DLG2: variants seen among roughly 807,000 people sequenced by gnomAD.
The protein encoded by DLG2 is disks large homolog 2.
In DLG2, 45 loss-of-function variants were observed where a neutral mutation model predicts 132.5. The ratio of observed to expected loss-of-function variants is 0.34; its 90% CI spans 0.27 to 0.44. The LOEUF is 0.44. Ranked by LOEUF, DLG2 falls within the 20% of genes least tolerant of loss-of-function variation. The pLI, the probability that DLG2 is intolerant of heterozygous loss-of-function variation, is 1.00. For synonymous variants in DLG2, 424 were observed against 419.6 expected (o/e 1.01, Z -0.13); for missense variants, 1,045 against 1,196.9 (o/e 0.87, Z 1.87).
At chr11:84,801,802 G>A (rs768426965) in intron 6 of DLG2, among the ~76,000 whole-genome samples, 3 of 152,122 alleles carry the variant, frequency 2.0e-5, no homozygotes, top group Non-Finnish European at 4.4e-5. Flanking sequence ...ATCCAATAAA[G>A]TTTAATTAAA....
At chr11:83,810,620 C>A (rs145695884) in intron 17 of DLG2, among the ~76,000 whole-genome samples, 1 of 151,994 alleles carries the variant, frequency 6.6e-6, no homozygotes, top group Non-Finnish European at 1.5e-5. Context: ...GTATTCCATT[C>A]GGAGTTATGA....
chr11:83,973,396 T>C (rs939187254), intron 12 of DLG2, among the ~76,000 whole-genome samples: 3 of 152,170 alleles, frequency 2.0e-5, no homozygotes, highest in African/African-American at 7.2e-5. Flanking sequence ...CATTGTATTA[T>C]AACTTATTAC....
intron 16 of DLG2, among the ~76,000 whole-genome samples, chr11:83,854,719 T>C (rs371271024): frequency 6.6e-6 from 1 of 152,102 alleles, no homozygotes; most frequent in African/African-American, 2.4e-5. Flanking sequence ...ACCAAAGGCA[T>C]GATTCATGAA....
At chr11:83,618,803 T>G (rs2061219451) in intron 19 of DLG2, among the ~76,000 whole-genome samples, 2 of 152,188 alleles carry the variant, frequency 1.3e-5, no homozygotes, top group African/African-American at 2.4e-5. Flanking sequence ...AAATACAGCT[T>G]TGCTTTTGGA....
chr11:85,112,227 C>G (rs887077497), intron 5 of DLG2, among the ~76,000 whole-genome samples: 2 of 151,998 alleles, frequency 1.3e-5, no homozygotes, highest in Non-Finnish European at 2.9e-5. Context: ...ATCTCAGAGG[C>G]CTTCTTATCA....
At chr11:83,480,048 G>A (rs921018632) in intron 22 of DLG2, among the ~76,000 whole-genome samples, 15 of 152,048 alleles carry the variant, frequency 9.9e-5, no homozygotes, top group African/African-American at 3.4e-4. Context: ...CAATTATTTT[G>A]GGGGTTACAA....
intron 6 of DLG2, among the ~76,000 whole-genome samples, chr11:84,868,966 T>C (rs2085053767): frequency 6.6e-6 from 1 of 152,188 alleles, no homozygotes; most frequent in Admixed American, 6.5e-5. Context: ...CTAAACTATG[T>C]CAAGCTAGCA....
At position 85,393,187 on chromosome 11, in the gene DLG2, G is replaced by C. The variant is rs1596837723; in HGVS notation, c.41-107822C>G. Among the ~76,000 whole-genome samples, 3 of 151,978 alleles carry C rather than the reference G, an allele frequency of 2.0e-5. No individual in the cohort carries two copies. In the East Asian group the frequency reaches 5.8e-4, roughly 29 times the overall value. ...GGACATGAATAAATAATTCTCAAAA[G>C]AAAATATGCAAATGGCCAACAAACA... On this transcript the variant is annotated intron_variant, in intron 3 of 27. Transcript: ENST00000376104.
At chr11:83,839,604 G>A (rs865832408) in intron 16 of DLG2, among the ~76,000 whole-genome samples, 52 of 152,184 alleles carry the variant, frequency 3.4e-4, no homozygotes, top group Admixed American at 1.7e-3. Context: ...TTGATGGAGA[G>A]GGAACTTAAA....
At chr11:85,007,691 GA>G (rs1330857189) in intron 6 of DLG2, among the ~76,000 whole-genome samples, 1 of 121,436 alleles carries the variant, frequency 8.2e-6, no homozygotes, top group Non-Finnish European at 1.8e-5. Flanking sequence ...AAAAAAAAAA[GA>G]AAAGAAAAGA....
intron 3 of DLG2, among the ~76,000 whole-genome samples, chr11:85,455,861 G>A (rs1465446676): frequency 6.6e-6 from 1 of 152,140 alleles, no homozygotes; most frequent in Non-Finnish European, 1.5e-5. Flanking sequence ...GCATCCCAGG[G>A]ATGAAGCCTA....
At chr11:85,246,074 A>T (rs565539924) in intron 4 of DLG2, among the ~76,000 whole-genome samples, 7 of 152,040 alleles carry the variant, frequency 4.6e-5, no homozygotes, top group Non-Finnish European at 8.8e-5. Context: ...TATATTATTT[A>T]TTTAATTATT....
chr11:85,610,197 C>A (rs2080890970), intron 2 of DLG2, among the ~76,000 whole-genome samples: 1 of 152,132 alleles, frequency 6.6e-6, no homozygotes, highest in Non-Finnish European at 1.5e-5. Flanking sequence ...TAAAGGATTA[C>A]AAGATATTGT....
intron 21 of DLG2, among the ~76,000 whole-genome samples, chr11:83,494,856 T>C (rs769280765): frequency 6.6e-6 from 1 of 152,132 alleles, no homozygotes; most frequent in Non-Finnish European, 1.5e-5. Context: ...TGAGGAACTG[T>C]AGAACAACCA....
At chr11:84,549,189 G>A (rs1370993382) in intron 6 of DLG2, among the ~76,000 whole-genome samples, 3 of 152,188 alleles carry the variant, frequency 2.0e-5, no homozygotes, top group Non-Finnish European at 2.9e-5. Context: ...TTGCTGGAGA[G>A]GACCAGGCTT....
chr11:85,308,175 TAAA>T (rs1475230278), intron 3 of DLG2, among the ~76,000 whole-genome samples: 58 of 138,414 alleles, frequency 4.2e-4, no homozygotes, highest in Non-Finnish European at 6.7e-4. Flanking sequence ...TAAAATAAAA[TAAA>T]ATAAAATAAA....
chr11:84,244,305 T>C (rs1487883849), intron 8 of DLG2, among the ~76,000 whole-genome samples: 1 of 152,062 alleles, frequency 6.6e-6, no homozygotes, highest in East Asian at 1.9e-4. Context: ...TGTCTCAGCC[T>C]CCCAAGCAGC....
chr11:84,798,250 C>T (rs1408750450), intron 6 of DLG2, among the ~76,000 whole-genome samples: 1 of 152,186 alleles, frequency 6.6e-6, no homozygotes, highest in Non-Finnish European at 1.5e-5. Context: ...TTGTGTTCTT[C>T]CCTTCAGTGT....
chr11:84,032,457 T>G (rs2095728724), intron 11 of DLG2, among the ~76,000 whole-genome samples: 1 of 152,148 alleles, frequency 6.6e-6, no homozygotes, highest in South Asian at 2.1e-4. Flanking sequence ...TCTTCAAGTT[T>G]GTGAAGGCTG....
Sources: gnomAD v4.1 joint callset for allele counts (sites outside exome capture counted in the v4.1 genomes callset) on GRCh38, gnomAD v4.1.1 for gene constraint, MANE v1.5 for transcripts, NCBI Gene and HGNC (gene_info 2026-07-23, HGNC 2026-07-21) for gene names.